The following AFF3 variants were observed in gnomAD, a reference collection of about 807,000 sequenced individuals.
AFF3 encodes AF4/FMR2 family member 3.
A neutral mutation model predicts 129.7 loss-of-function variants in AFF3; 32 were observed. The ratio of observed to expected loss-of-function variants is 0.25; its 90% CI spans 0.19 to 0.33. The LOEUF is 0.33. Ranked by LOEUF, AFF3 falls within the 10% of genes least tolerant of loss-of-function variation. The pLI is 1.00. For missense variants in AFF3, 1,373 were observed against 1,592.0 expected, an observed-to-expected ratio of 0.86 and a Z score of 2.34; for synonymous variants, 644 against 635.4, an observed-to-expected ratio of 1.01 and a Z score of -0.20.
At chr2:99,569,591 G>A (rs571312934) in intron 18 of AFF3, among the ~76,000 whole-genome samples, 2 of 152,228 alleles carry the variant, frequency 1.3e-5, no homozygotes, top group Non-Finnish European at 2.9e-5. Flanking sequence ...CAATAACCCT[G>A]GCCAGCGGTG....
chr2:99,594,745 C>A (rs1371711500), intron 14 of AFF3, among the ~76,000 whole-genome samples: 1 of 152,036 alleles, frequency 6.6e-6, no homozygotes, highest in Non-Finnish European at 1.5e-5. Flanking sequence ...TAAGTGGAAC[C>A]TACAATCCCA....
intron 13 of AFF3, among the ~76,000 whole-genome samples, chr2:99,634,035 C>A (rs1683384196): frequency 6.6e-6 from 1 of 151,502 alleles, no homozygotes; most frequent in South Asian, 2.1e-4. Context: ...CTGCCTCAAC[C>A]TCCCGAGTAG....
chr2:99,894,051 A>G (rs972784170), intron 7 of AFF3, among the ~76,000 whole-genome samples: 8 of 152,176 alleles, frequency 5.3e-5, no homozygotes, highest in Non-Finnish European at 4.4e-5. Flanking sequence ...GTGCAAAATC[A>G]GACCTTTGCA....
At chr2:100,081,594 T>C (rs1292716276) in intron 4 of AFF3, among the ~76,000 whole-genome samples, 2 of 152,102 alleles carry the variant, frequency 1.3e-5, no homozygotes, top group Middle Eastern at 3.2e-3. Flanking sequence ...GACCCACCCA[T>C]GTTCTATATT....
At chr2:99,730,426 T>C (rs982745296) in intron 10 of AFF3, among the ~76,000 whole-genome samples, 7 of 152,252 alleles carry the variant, frequency 4.6e-5, no homozygotes, top group African/African-American at 1.4e-4. Context: ...AATAGTGTCA[T>C]ATAGGGACTA....
At chr2:99,930,474 A>G (rs1045177127) in intron 7 of AFF3, among the ~76,000 whole-genome samples, 1 of 152,194 alleles carries the variant, frequency 6.6e-6, no homozygotes, top group Non-Finnish European at 1.5e-5. Context: ...TTGAGAGGAG[A>G]GAAGAAAATT....
chr2:99,675,087 A>T (rs1218352303), intron 11 of AFF3, among the ~76,000 whole-genome samples: 2 of 152,186 alleles, frequency 1.3e-5, no homozygotes, highest in African/African-American at 4.8e-5. Context: ...CCAGAAGAAA[A>T]GCAGTCAGAG....
intron 7 of AFF3, among the ~76,000 whole-genome samples, chr2:100,001,937 C>T (rs565058460): frequency 2.6e-5 from 4 of 152,338 alleles, no homozygotes; most frequent in South Asian, 2.1e-4. Context: ...TCTAAGCGGA[C>T]GGAAGCTGCC....
intron 11 of AFF3, among the ~76,000 whole-genome samples, chr2:99,708,147 T>C (rs971578763): frequency 6.6e-6 from 1 of 152,198 alleles, no homozygotes; most frequent in African/African-American, 2.4e-5. Flanking sequence ...ACATACATAT[T>C]GTAAAAAATT....
chr2:100,129,648 C>A (rs755459137), intron 1 of AFF3, among the ~76,000 whole-genome samples: 1 of 152,122 alleles, frequency 6.6e-6, no homozygotes, highest in African/African-American at 2.4e-5. Context: ...TTCAGGTAAT[C>A]GGCACATTAA....
chr2:99,845,539 G>A (rs1369743277), intron 7 of AFF3, among the ~76,000 whole-genome samples: 1 of 152,154 alleles, frequency 6.6e-6, no homozygotes, highest in Non-Finnish European at 1.5e-5. Context: ...CCACAGTACT[G>A]TCTACTGGGG....
rs191876646 is a variant in AFF3 at position 99,641,218 on chromosome 2, C to T, written c.1184+8408G>A. ...GGGTAATATTGTACCTGTGTCCCTC[C>T]AGTGACACTGATTTCTTCATAGTCT... On this transcript the variant is annotated intron_variant, in intron 13 of 24. Coordinates refer to ENST00000672756, the MANE Select transcript of AFF3 (RefSeq NM_001386135.1). Among the ~76,000 whole-genome samples the T allele has an allele frequency of 5.3e-4, 80 of 152,322 alleles. 1 individual carries two copies. The highest frequency in any genetic ancestry group is 7.3e-4 in the Non-Finnish European group (50 of 68,038).
At chr2:100,014,666 T>C (rs910723777) in intron 4 of AFF3, among the ~76,000 whole-genome samples, 4 of 151,554 alleles carry the variant, frequency 2.6e-5, no homozygotes, top group Admixed American at 6.6e-5. Flanking sequence ...GTTAAGGAGA[T>C]GGAAAAGAAG....
At chr2:99,852,035 G>A (rs1283208329) in intron 7 of AFF3, among the ~76,000 whole-genome samples, 1 of 152,148 alleles carries the variant, frequency 6.6e-6, no homozygotes, top group Non-Finnish European at 1.5e-5. Context: ...TGGTAACCCA[G>A]CAGTCAGCCA....
chr2:99,733,966 A>C (rs896750009), intron 10 of AFF3, among the ~76,000 whole-genome samples: 20 of 152,220 alleles, frequency 1.3e-4, no homozygotes, highest in African/African-American at 4.8e-4. Context: ...CACATACCCA[A>C]AAGTTGGAAA....
At chr2:99,982,926 GC>G (rs1184768388) in intron 7 of AFF3, among the ~76,000 whole-genome samples, 9 of 152,172 alleles carry the variant, frequency 5.9e-5, no homozygotes. Flanking sequence ...CCAGGTAATT[GC>G]CATATATGGG....
chr2:100,105,990 C>T (rs1196953397), intron 2 of AFF3: 3 of 1,324,760 alleles, frequency 2.3e-6, no homozygotes, highest in Non-Finnish European at 2.0e-6. Context: ...GTGCAAGTGA[C>T]GGGATCCCTC....
chr2:99,582,652 TG>T, intron 17 of AFF3, 145 bp downstream of exon 17: 1 of 803,268 alleles, frequency 1.2e-6, no homozygotes, highest in Non-Finnish European at 2.0e-6. Flanking sequence ...GGCTGTCCTC[TG>T]TTGGGTCTTC....
chr2:99,811,291 T>C (rs1199710232), intron 8 of AFF3, among the ~76,000 whole-genome samples: 1 of 152,224 alleles, frequency 6.6e-6, no homozygotes, highest in Non-Finnish European at 1.5e-5. Flanking sequence ...AAACCAACCC[T>C]GTAGTTTGCA....
Sources: gnomAD v4.1 joint callset for allele counts (sites outside exome capture counted in the v4.1 genomes callset) on GRCh38, gnomAD v4.1.1 for gene constraint, MANE v1.5 for transcripts, NCBI Gene and HGNC (gene_info 2026-07-23, HGNC 2026-07-21) for gene names.